The following PDE3A variants were observed in gnomAD, a reference collection of about 807,000 sequenced individuals.
PDE3A encodes cGMP-inhibited 3',5'-cyclic phosphodiesterase 3A.
In PDE3A, 43 loss-of-function variants were observed where a neutral mutation model predicts 98.3. The ratio of observed to expected loss-of-function variants is 0.44; its 90% confidence interval spans 0.34 to 0.56. The LOEUF is 0.56. Among genes scored for constraint, PDE3A ranks in the 20% least tolerant of loss-of-function variants. The pLI is 0.01. For synonymous variants in PDE3A, 663 were observed against 567.9 expected (o/e 1.17, Z -2.38); for missense variants, 1,427 against 1,440.7 (o/e 0.99, Z 0.15).
At chr12:20,657,853 A>G (rs1402741589) in intron 15 of PDE3A, among the ~76,000 whole-genome samples, 3 of 152,180 alleles carry the variant, frequency 2.0e-5, no homozygotes, top group African/African-American at 7.2e-5. Flanking sequence ...AAAAAGAGGA[A>G]AATTGAGCTT....
chr12:20,580,648 TTC>T (rs1196830228), intron 2 of PDE3A, among the ~76,000 whole-genome samples: 1 of 152,216 alleles, frequency 6.6e-6, no homozygotes, highest in Non-Finnish European at 1.5e-5. Context: ...TCTTTTCTGT[TTC>T]TCTTTCTATT....
chr12:20,540,929 T>C (rs1449550707), intron 1 of PDE3A, among the ~76,000 whole-genome samples: 1 of 151,882 alleles, frequency 6.6e-6, no homozygotes, highest in African/African-American at 2.4e-5. Context: ...ATGTGTTTAA[T>C]GTATTTTTTA....
At chr12:20,452,345 G>A (rs894692892) in intron 1 of PDE3A, among the ~76,000 whole-genome samples, 29 of 152,164 alleles carry the variant, frequency 1.9e-4, no homozygotes, top group African/African-American at 6.5e-4. Flanking sequence ...GTCTTAATGT[G>A]TATTTTTCTC....
intron 1 of PDE3A, among the ~76,000 whole-genome samples, chr12:20,409,494 G>C (rs1476040648): frequency 1.3e-5 from 2 of 152,096 alleles, no homozygotes; most frequent in African/African-American, 2.4e-5. Context: ...TTTTCTTTCA[G>C]AAATGATCAA....
intron 1 of PDE3A, among the ~76,000 whole-genome samples, chr12:20,386,306 AC>A (rs1943803318): frequency 7.0e-6 from 1 of 142,776 alleles, no homozygotes; most frequent in Admixed American, 7.5e-5. Flanking sequence ...ATAAAAAAAT[AC>A]TAAAAAAAAA....
intron 15 of PDE3A, among the ~76,000 whole-genome samples, chr12:20,673,212 A>G (rs929056910): frequency 4.6e-5 from 7 of 152,256 alleles, no homozygotes; most frequent in South Asian, 2.1e-4. Flanking sequence ...AGGTACTGGA[A>G]AGGATGTGGA....
intron 1 of PDE3A, among the ~76,000 whole-genome samples, chr12:20,385,759 A>G (rs1943744712): frequency 6.7e-6 from 1 of 150,114 alleles, no homozygotes; most frequent in Non-Finnish European, 1.5e-5. Context: ...TGGACACAGG[A>G]AGGGGAACAT....
At chr12:20,601,765 C>CTT (rs146826408) in intron 2 of PDE3A, among the ~76,000 whole-genome samples, 108 of 148,516 alleles carry the variant, frequency 7.3e-4, no homozygotes, top group African/African-American at 2.5e-3. Context: ...TCTTTTTTAG[C>CTT]TTTTTTTTTT....
intron 1 of PDE3A, among the ~76,000 whole-genome samples, chr12:20,525,167 G>A (rs1024346534): frequency 2.0e-5 from 3 of 152,126 alleles, no homozygotes; most frequent in African/African-American, 2.4e-5. Context: ...TTACTGCTCC[G>A]GAGCCTTGGG....
chr12:20,683,839 T>C lies in PDE3A; in HGVS notation c.*3568T>C, dbSNP rs1367141401. 2.6e-5 allele frequency: 4 copies of C among 152,172 alleles called. No homozygotes were observed. In the East Asian group the frequency reaches 7.7e-4, roughly 29 times the overall value. 9.4% of individuals were successfully genotyped at this position (152,172 alleles called of 1,614,324 possible). A position where few individuals can be genotyped will look rare whatever the true frequency, so the allele number is the denominator to read the frequency against. On this transcript the variant is annotated 3_prime_UTR_variant, in exon 16 of 16. Coordinates refer to ENST00000359062, the MANE Select transcript of PDE3A (RefSeq NM_000921.5). ...TTGGTTGAATACCAGAACAAATCTT[T>C]CCGTTGCAATCCCAGTAAAACGAAA...
intron 1 of PDE3A, among the ~76,000 whole-genome samples, chr12:20,490,235 C>T (rs1007019288): frequency 1.3e-5 from 2 of 152,072 alleles, no homozygotes; most frequent in African/African-American, 4.8e-5. Flanking sequence ...CATGTAGTGT[C>T]AGGAAAACAT....
chr12:20,550,735 G>A (rs1942177875), intron 1 of PDE3A, among the ~76,000 whole-genome samples: 1 of 151,952 alleles, frequency 6.6e-6, no homozygotes, highest in South Asian at 2.1e-4. Flanking sequence ...TTAAAAATGA[G>A]TAGCTTAAAA....
chr12:20,583,312 G>C (rs1397470760), intron 2 of PDE3A, among the ~76,000 whole-genome samples: 2 of 152,050 alleles, frequency 1.3e-5, no homozygotes, highest in Non-Finnish European at 2.9e-5. Context: ...AATGTCTGTA[G>C]TTTCAGTGAA....
intron 3 of PDE3A, among the ~76,000 whole-genome samples, chr12:20,615,397 T>TATC (rs1943979180): frequency 6.6e-6 from 1 of 152,300 alleles, no homozygotes; most frequent in Non-Finnish European, 1.5e-5. Flanking sequence ...ACATTACCCA[T>TATC]ATCTCTGTTG....
rs540713064 is a variant in PDE3A, at chr12:20,587,142, G to A, written c.1012-26301G>A. 1.2e-3 allele frequency among the ~76,000 whole-genome samples: 179 copies of A among 152,218 alleles called. 1 individual carries two copies. Among genetic ancestry groups the A allele is most frequent in the South Asian group, 2.3e-3 (11 of 4,814 alleles). On this transcript the variant is annotated intron_variant, in intron 2 of 15. Coordinates refer to ENST00000359062, the MANE Select transcript of PDE3A (RefSeq NM_000921.5). ...CCCAACACTTTAGGAGGTCGAGGTG[G>A]GTGGATCATGAGGTCAGGAGTTCGA...
At chr12:20,395,332 A>G (rs1185752766) in intron 1 of PDE3A, among the ~76,000 whole-genome samples, 2 of 151,878 alleles carry the variant, frequency 1.3e-5, no homozygotes, top group African/African-American at 2.4e-5. Context: ...ATAAACTGAT[A>G]TTGGTAGCAT....
At chr12:20,393,581 T>C (rs1214747539) in intron 1 of PDE3A, among the ~76,000 whole-genome samples, 1 of 152,028 alleles carries the variant, frequency 6.6e-6, no homozygotes, top group East Asian at 1.9e-4. Flanking sequence ...TTACACATTG[T>C]ATACATATAT....
intron 1 of PDE3A, among the ~76,000 whole-genome samples, chr12:20,487,329 T>C (rs1945746312): frequency 6.6e-6 from 1 of 151,914 alleles, no homozygotes; most frequent in African/African-American, 2.4e-5. Flanking sequence ...AAGTATCACA[T>C]ACATTTAAAG....
At chr12:20,551,151 T>C (rs1823973055) in intron 1 of PDE3A, among the ~76,000 whole-genome samples, 1 of 151,982 alleles carries the variant, frequency 6.6e-6, no homozygotes, top group South Asian at 2.1e-4. Flanking sequence ...ATTGTTTATA[T>C]TGAATTTCTT....
Sources: allele counts gnomAD v4.1 joint callset (sites outside exome capture counted in the v4.1 genomes callset), GRCh38; gene constraint gnomAD v4.1.1; transcripts MANE v1.5; gene names NCBI Gene and HGNC (gene_info 2026-07-23, HGNC 2026-07-21).